Variants in PCDHGA4 observed in about 807,000 individuals in gnomAD.
PCDHGA4 encodes protocadherin gamma subfamily A, 4, also known as protocadherin gamma-A4.
Under a neutral mutation model 54.6 loss-of-function variants are expected in PCDHGA4, and 38 were observed. The ratio of observed to expected loss-of-function variants is 0.70; its 90% confidence interval spans 0.54 to 0.91. The LOEUF (loss-of-function observed/expected upper bound fraction) is 0.91. Among genes scored for constraint, PCDHGA4 ranks in the 40% least tolerant of loss-of-function variants. The pLI is 0.00. For missense variants in PCDHGA4, 1,298 were observed against 1,220.9 expected, an observed-to-expected ratio of 1.06 and a Z score of -0.94; for synonymous variants, 511 against 512.9, an observed-to-expected ratio of 1.00 and a Z score of 0.05.
chr5:141,399,528 C>T (rs749580875), intron 1 of PCDHGA4: 10 of 1,613,928 alleles, frequency 6.2e-6, no homozygotes, highest in Non-Finnish European at 7.6e-6. Context: ...GGGCCTCCAT[C>T]GCGCAAGTCT....
At chr5:141,413,664 T>G in intron 1 of PCDHGA4, 1 of 1,613,858 alleles carries the variant, frequency 6.2e-7, no homozygotes, top group Non-Finnish European at 8.5e-7. Flanking sequence ...AAGCTATTGA[T>G]CCGGATGTGG....
chr5:141,428,307 C>A, intron 1 of PCDHGA4: 1 of 688,030 alleles, frequency 1.5e-6, no homozygotes, highest in South Asian at 1.6e-5. Flanking sequence ...TTTACCTGGT[C>A]GTGGCCTTGG....
intron 1 of PCDHGA4, among the ~76,000 whole-genome samples, chr5:141,450,649 G>A (rs2098689040): frequency 6.6e-6 from 1 of 151,674 alleles, no homozygotes; most frequent in African/African-American, 2.4e-5. Flanking sequence ...ACCATGCCTG[G>A]CTAATTTTTG....
At chr5:141,374,111 C>G (rs1169979924) in intron 1 of PCDHGA4, 3 of 1,576,926 alleles carry the variant, frequency 1.9e-6, no homozygotes, top group African/African-American at 1.4e-5. Context: ...GCATCCGCAG[C>G]GCAGCGAGCA....
At chr5:141,408,912 A>G (rs772751015) in intron 1 of PCDHGA4, 4 of 1,613,594 alleles carry the variant, frequency 2.5e-6, no homozygotes, top group Middle Eastern at 1.6e-4. Flanking sequence ...GATACCAATG[A>G]TAACCCCCCG....
chr5:141,387,840 C>T, intron 1 of PCDHGA4: 2 of 1,597,864 alleles, frequency 1.3e-6, no homozygotes, highest in Non-Finnish European at 1.7e-6. Context: ...TTATTTGTAA[C>T]CCGGCGTCTC....
intron 1 of PCDHGA4, among the ~76,000 whole-genome samples, chr5:141,472,030 G>A (rs2099269943): frequency 6.6e-6 from 1 of 152,030 alleles, no homozygotes; most frequent in African/African-American, 2.4e-5. Flanking sequence ...TATGTAGAAA[G>A]CTGTGAAAAG....
chr5:141,487,351 T>A lies in PCDHGA4; in HGVS notation c.2515-7456T>A. 6.2e-7 allele frequency: 1 copy of A among 1,614,210 alleles called. No individual in the cohort carries two copies. The highest frequency in any genetic ancestry group is 8.5e-7 in the Non-Finnish European group (1 of 1,180,038). On this transcript the variant is annotated intron_variant, in intron 1 of 3. Transcript: ENST00000571252. The surrounding 1 kb of genome is among the most constrained non-coding windows in gnomAD (Gnocchi z 5.0). ...GGGCAGCCTGTGGAGTCACATGCTT[T>A]CCTGCTGGCACCTGTGCCTGTCTCA...
chr5:141,455,897 T>C (rs1330516646), intron 1 of PCDHGA4, among the ~76,000 whole-genome samples: 1 of 149,800 alleles, frequency 6.7e-6, no homozygotes, highest in African/African-American at 2.4e-5. Flanking sequence ...ATTTATTTAT[T>C]TATTTATTTA....
At chr5:141,427,602 A>G (rs1415454468) in intron 1 of PCDHGA4, 1 of 685,668 alleles carries the variant, frequency 1.5e-6, no homozygotes, top group Non-Finnish European at 2.7e-6. Flanking sequence ...CACCCTACGC[A>G]TTGGTGAAGT....
At chr5:141,384,734 G>T (rs1780422653) in intron 1 of PCDHGA4, 1 of 1,613,988 alleles carries the variant, frequency 6.2e-7, no homozygotes. Flanking sequence ...CTTAAGGCCA[G>T]CGAGCCAGGA....
chr5:141,445,115 A>G (rs1038787011), intron 1 of PCDHGA4, among the ~76,000 whole-genome samples: 1 of 152,308 alleles, frequency 6.6e-6, no homozygotes, highest in East Asian at 1.9e-4. Flanking sequence ...GTTATTGTAA[A>G]TAGTATTTTT....
At chr5:141,402,919 G>T in intron 1 of PCDHGA4, 1 of 1,572,640 alleles carries the variant, frequency 6.4e-7, no homozygotes, top group Non-Finnish European at 8.6e-7. Flanking sequence ...CGCGCACAGA[G>T]ATCCTTTTGA....
rs774140980 is a variant in PCDHGA4, at chr5:141,420,167, T to G, written c.2514+62546T>G. On this transcript the variant is annotated intron_variant, in intron 1 of 3. Transcript: ENST00000571252. ...GAATCCAGAATTTAATTTTTTCACA[T>G]CTGTTGATCATTGTCCAGCCACACA... 3 of 1,614,082 alleles carry G rather than the reference T, an allele frequency of 1.9e-6. No homozygotes were observed. The South Asian group carries it at 3.3e-5, about 18-fold the overall frequency.
At chr5:141,359,254 A>C (rs1276865273) in intron 1 of PCDHGA4, among the ~76,000 whole-genome samples, 3 of 152,162 alleles carry the variant, frequency 2.0e-5, no homozygotes, top group Non-Finnish European at 4.4e-5. Flanking sequence ...TTAAGCCATA[A>C]AATATAATTT....
rs759226115 is a variant in PCDHGA4 at position 141,405,385 on chromosome 5, A to AT, written c.2514+47772dup. 3.1e-5 allele frequency: 49 copies of AT among 1,599,976 alleles called. 1 individual carries two copies. The highest frequency in any genetic ancestry group is 2.8e-4 in the Admixed American group (16 of 56,782). On this transcript the variant is annotated intron_variant, in intron 1 of 3. Coordinates refer to ENST00000571252, the MANE Select transcript of PCDHGA4 (RefSeq NM_018917.4). ...ACACCCCTTTGGTTCCGGTGAGTTC[A>AT]TTTTTTTTCTTTCTTTCTTTTCTTT...
At chr5:141,392,925 G>A (rs1230996735) in intron 1 of PCDHGA4, 22 of 1,613,946 alleles carry the variant, frequency 1.4e-5, no homozygotes, top group Non-Finnish European at 1.9e-5. Flanking sequence ...TGTGCCAGAA[G>A]AGACGGACAA....
intron 1 of PCDHGA4, chr5:141,414,389 A>G: frequency 1.9e-6 from 3 of 1,613,926 alleles, no homozygotes; most frequent in African/African-American, 2.7e-5. Context: ...ATTGACAGTT[A>G]TTACAGATTG....
chr5:141,504,351 G>A (rs77439649), intron 2 of PCDHGA4, among the ~76,000 whole-genome samples: 2 of 152,010 alleles, frequency 1.3e-5, no homozygotes, highest in African/African-American at 4.8e-5. Context: ...CTTTGTGCTA[G>A]GTGCTTCAGT....
Sources: allele counts gnomAD v4.1 joint callset (sites outside exome capture counted in the v4.1 genomes callset), GRCh38; gene constraint gnomAD v4.1.1; non-coding constraint Gnocchi (gnomAD v3.1); transcripts MANE v1.5; gene names NCBI Gene and HGNC (gene_info 2026-07-23, HGNC 2026-07-21).